CUL4A: variants seen among roughly 807,000 people sequenced by gnomAD.
The protein encoded by CUL4A is cullin-4A.
Under a neutral mutation model 95.5 loss-of-function variants are expected in CUL4A, and 16 were observed. The observed-to-expected ratio is 0.17, with a 90% CI of 0.11 to 0.25. The LOEUF is 0.25. CUL4A is among the 10% of genes least tolerant of loss of function. The probability of loss-of-function intolerance (pLI) is 1.00; values close to 1 mark genes in which losing one functional copy is unlikely to be tolerated. For synonymous variants in CUL4A, 380 were observed against 353.1 expected, an observed-to-expected ratio of 1.08 and a Z score of -0.85; for missense variants, 610 against 937.0, an observed-to-expected ratio of 0.65 and a Z score of 4.56.
intron 6 of CUL4A, among the ~76,000 whole-genome samples, 190 bp downstream of exon 6, chr13:113,233,529 T>C (rs923693044): frequency 5.4e-5 from 8 of 147,728 alleles, no homozygotes; most frequent in African/African-American, 1.5e-4. Flanking sequence ...AAAGAGAAGA[T>C]AGATCAATAT....
At position 113,233,303 on chromosome 13, in the gene CUL4A, G is replaced by A; in HGVS notation, c.639G>A (p.Leu213=). Residue 213 remains leucine (L), a synonymous_variant, in exon 6 of 20, where the codon CTG becomes CTA. Coordinates refer to ENST00000375440, the MANE Select transcript of CUL4A (RefSeq NM_001008895.4). ...GCGGCGAGGCCGTGGACCGGAGCCT[G>A]TTGCGGAGCCTCCTGGGCATGCTGT... ...ERSGEAVDRS[L]LRSLLGMLSD... The A allele has an allele frequency of 2.5e-6, 4 of 1,613,452 alleles. No homozygotes were observed. Among genetic ancestry groups the A allele is most frequent in the South Asian group, 1.1e-5 (1 of 91,046 alleles).
In CUL4A at chr13:113,233,087, GGAT is replaced by G. The variant is rs1314516266; in HGVS notation, c.513-86_513-84del. The G allele has an allele frequency of 1.7e-4, 227 of 1,334,276 alleles. 1 individual carries two copies. The highest frequency in any genetic ancestry group is 5.5e-4 in the East Asian group (23 of 41,686). The allele number at this position is 1,334,276 out of a possible 1,614,324, so 82.7% of individuals were successfully genotyped here. On this transcript the variant is annotated intron_variant, in intron 5 of 19. Transcript: ENST00000375440. ...GAGAATTAGCAACTTCACATTTTTG[GGAT>G]GATATTGAATAGCATAGCTGGAGAT...
chr13:113,236,741 G>T (rs2041558045), intron 8 of CUL4A, 82 bp from the exon 9 acceptor site: 1 of 915,518 alleles, frequency 1.1e-6, no homozygotes, highest in Non-Finnish European at 1.7e-6. Flanking sequence ...ATCTGTCATA[G>T]ACAAATGCCC....
intron 10 of CUL4A, among the ~76,000 whole-genome samples, chr13:113,240,927 G>A (rs1214346228): frequency 1.3e-5 from 2 of 152,154 alleles, no homozygotes; most frequent in Non-Finnish European, 2.9e-5. Context: ...TGGAAATAAA[G>A]ACACTGGGAT....
chr13:113,223,961 A>G (rs1214993987), intron 3 of CUL4A, among the ~76,000 whole-genome samples: 1 of 152,180 alleles, frequency 6.6e-6, no homozygotes, highest in African/African-American at 2.4e-5. Flanking sequence ...GCACTCATAC[A>G]CATGCTCAGC....
At chr13:113,236,673 C>T (rs904242704) in intron 8 of CUL4A, 150 bp from the exon 9 acceptor site, 14 of 505,388 alleles carry the variant, frequency 2.8e-5, no homozygotes, top group Middle Eastern at 3.1e-4. Flanking sequence ...CAGGAGTCGT[C>T]GTCCGTTTGC....
In CUL4A at chr13:113,253,057, TTTG is replaced by T. The variant is rs755479445; in HGVS notation, c.1639-19_1639-17del. ...TGAGATGGATGGTGTGTGGCATAAT[TTTG>T]TTGTTCTCCTATGCTTAACAGATGA... On this transcript the variant is annotated intron_variant, in intron 15 of 19. Coordinates refer to ENST00000375440, the MANE Select transcript of CUL4A (RefSeq NM_001008895.4). 74 of 1,257,960 alleles carry T rather than the reference TTTG, an allele frequency of 5.9e-5. 1 individual carries two copies. In the South Asian group the frequency reaches 8.2e-4, roughly 14 times the overall value. 77.9% of individuals were successfully genotyped at this position (1,257,960 alleles called of 1,614,324 possible). A position where few individuals can be genotyped will look rare whatever the true frequency, so the allele number is the denominator to read the frequency against.
At chr13:113,208,284 G>A, upstream of CUL4A, 13 of 1,433,298 alleles carry the variant, frequency 9.1e-6, no homozygotes, top group Non-Finnish European at 1.2e-5. Flanking sequence ...CCTTCGGACC[G>A]CCTGGGAGCG....
At chr13:113,233,587 CG>C (rs1566346626) in intron 6 of CUL4A, among the ~76,000 whole-genome samples, 1 of 152,184 alleles carries the variant, frequency 6.6e-6, no homozygotes, top group Non-Finnish European at 1.5e-5. Flanking sequence ...ATAAAATGCA[CG>C]TTTTTCATGG....
chr13:113,246,224 T>G (rs1357965235), intron 15 of CUL4A, among the ~76,000 whole-genome samples, 161 bp downstream of exon 15: 1 of 152,242 alleles, frequency 6.6e-6, no homozygotes, highest in Non-Finnish European at 1.5e-5. Context: ...CTTGAGAAAG[T>G]GACCACTTTT....
upstream of CUL4A, chr13:113,209,584 G>C (rs1480665217): frequency 2.3e-5 from 22 of 976,110 alleles, no homozygotes; most frequent in Non-Finnish European, 2.6e-5. Flanking sequence ...GGAGCTCGGC[G>C]GGCGGCGGCG....
At chr13:113,225,490 A>G (rs1292652761) in intron 3 of CUL4A, among the ~76,000 whole-genome samples, 1 of 152,212 alleles carries the variant, frequency 6.6e-6, no homozygotes, top group Non-Finnish European at 1.5e-5. Context: ...TTTAATGAAC[A>G]CTTTACATTG....
chr13:113,208,230 G>A (rs898344405), upstream of CUL4A: 17 of 1,493,916 alleles, frequency 1.1e-5, no homozygotes, highest in East Asian at 3.1e-4. Flanking sequence ...GCGTCCATCC[G>A]ACACAGCACC....
intron 1 of CUL4A, 23 bp from the exon 2 acceptor site, chr13:113,209,950 C>G: frequency 4.7e-6 from 7 of 1,479,176 alleles, no homozygotes; most frequent in Non-Finnish European, 6.3e-6. Context: ...CCCTGAGCCG[C>G]CCGCTCTCCC....
At position 113,255,035 on chromosome 13, in the gene CUL4A, A is replaced by G; in HGVS notation, c.1941A>G (p.Glu647=). 1 of 1,614,194 alleles carries G rather than the reference A, an allele frequency of 6.2e-7. No homozygotes were observed. The highest frequency in any genetic ancestry group is 8.5e-7 in the Non-Finnish European group (1 of 1,180,018). The change falls in exon 18 of 20, where the codon GAA becomes GAG. Residue 647 remains glutamate, a synonymous_variant. Transcript: ENST00000375440. ...RVLIKSPKGK[E]VEDGDKFIFN... ...TGATTAAAAGTCCCAAAGGAAAGGA[A>G]GTGGAAGATGGAGACAAGTTCATTT...
At chr13:113,213,877 C>G in intron 2 of CUL4A, among the ~76,000 whole-genome samples, 1 of 152,248 alleles carries the variant, frequency 6.6e-6, no homozygotes, top group South Asian at 2.1e-4. Flanking sequence ...CATCTCTCCA[C>G]GCACAGGTGG....
chr13:113,211,189 G>C (rs993396544), intron 2 of CUL4A, among the ~76,000 whole-genome samples: 2 of 152,170 alleles, frequency 1.3e-5, no homozygotes, highest in Admixed American at 6.5e-5. Context: ...TATATTTTGC[G>C]ATTTCTAGAA....
At chr13:113,234,988 A>T in intron 7 of CUL4A, 75 bp from the exon 8 acceptor site, 1 of 1,132,012 alleles carries the variant, frequency 8.8e-7, no homozygotes, top group Non-Finnish European at 1.3e-6. Flanking sequence ...CATGTAAGGA[A>T]AACAAAATCT....
At position 113,228,843 on chromosome 13, in the gene CUL4A, G is replaced by A. The variant is rs560217299; in HGVS notation, c.439-603G>A. ...TCAAAAAAATGACCAAATTTAGGCC[G>A]GGCGCGGTGGCTCACGCCTGTAATC... On this transcript the variant is annotated intron_variant, in intron 4 of 19. Coordinates refer to ENST00000375440, the MANE Select transcript of CUL4A (RefSeq NM_001008895.4). Among the ~76,000 whole-genome samples the A allele has an allele frequency of 1.7e-3, 265 of 152,200 alleles. 1 individual carries two copies. The highest frequency in any genetic ancestry group is 0.017 in the Middle Eastern group (5 of 294).
Sources: gnomAD v4.1 joint callset for allele counts (sites outside exome capture counted in the v4.1 genomes callset) on GRCh38, gnomAD v4.1.1 for gene constraint, MANE v1.5 for transcripts, NCBI Gene and HGNC (gene_info 2026-07-23, HGNC 2026-07-21) for gene names.